OSBPL9: variants seen among roughly 807,000 people sequenced by gnomAD.
OSBPL9 encodes oxysterol-binding protein-related protein 9.
A neutral mutation model predicts 106.6 loss-of-function variants in OSBPL9; 40 were observed. That is an observed-to-expected ratio of 0.38 (90% CI 0.29 to 0.49). The LOEUF is 0.49. Among genes scored for constraint, OSBPL9 ranks in the 20% least tolerant of loss-of-function variants. The pLI is 0.97. For missense variants in OSBPL9, 609 were observed against 887.2 expected, an observed-to-expected ratio of 0.69 and a Z score of 3.98; for synonymous variants, 269 against 295.4, an observed-to-expected ratio of 0.91 and a Z score of 0.92.
chr1:51,645,327 T>G (rs1283758613), intron 1 of OSBPL9, among the ~76,000 whole-genome samples: 2 of 152,198 alleles, frequency 1.3e-5, no homozygotes, highest in African/African-American at 4.8e-5. Flanking sequence ...CTTTGCCCAT[T>G]TTTAAATTGG....
chr1:51,630,640 T>G (rs1645047994), intron 1 of OSBPL9, among the ~76,000 whole-genome samples: 1 of 152,190 alleles, frequency 6.6e-6, no homozygotes, highest in Non-Finnish European at 1.5e-5. Context: ...GACATTACCA[T>G]ACACTACCAT....
At chr1:51,578,120 A>G (rs1645197458) in intron 1 of OSBPL9, among the ~76,000 whole-genome samples, 1 of 152,236 alleles carries the variant, frequency 6.6e-6, no homozygotes, top group Non-Finnish European at 1.5e-5. Flanking sequence ...AGTAATAACG[A>G]AAAATATTTG....
chr1:51,682,705 C>T (rs945233857), intron 3 of OSBPL9, among the ~76,000 whole-genome samples: 2 of 150,828 alleles, frequency 1.3e-5, no homozygotes, highest in Admixed American at 1.3e-4. Context: ...TGTAGTGAGC[C>T]GAGATCACAC....
At chr1:51,694,758 G>A (rs934827959) in intron 3 of OSBPL9, among the ~76,000 whole-genome samples, 1 of 152,008 alleles carries the variant, frequency 6.6e-6, no homozygotes, top group Non-Finnish European at 1.5e-5. Flanking sequence ...TGTTGATATT[G>A]CTCCAAACTA....
intron 3 of OSBPL9, chr1:51,669,735 G>C: frequency 1.6e-6 from 1 of 641,678 alleles, no homozygotes; most frequent in Non-Finnish European, 2.9e-6. Context: ...TGCAGTTGGA[G>C]ATGAAAATTT....
the OSBPL9 span, chr1:51,519,176 G>A: frequency 7.0e-7 from 1 of 1,435,756 alleles, no homozygotes. Flanking sequence ...GGCCAAGCCC[G>A]GCGGACGGGC....
chr1:51,560,267 T>TA, the OSBPL9 span, among the ~76,000 whole-genome samples: 3 of 152,220 alleles, frequency 2.0e-5, no homozygotes, highest in African/African-American at 7.2e-5. Flanking sequence ...ACAGTGGGTG[T>TA]AATCAATACA....
intron 1 of OSBPL9, among the ~76,000 whole-genome samples, chr1:51,578,089 G>A (rs1489509036): frequency 1.3e-5 from 2 of 152,190 alleles, no homozygotes; most frequent in Non-Finnish European, 2.9e-5. Context: ...GCTGACCGTT[G>A]TGTGCCAGTA....
At position 51,784,025 on chromosome 1, in the gene OSBPL9, G is replaced by T; in HGVS notation, c.1624G>T (p.Gly542Cys). The change falls in exon 18 of 24, where the codon GGC (glycine) becomes TGC (cysteine). Residue 542 changes from glycine to cysteine, a missense_variant and splice_region_variant. Transcript: ENST00000428468. Reference sequence around the variant, plus strand: ...AATTGGGGTGCACAACATAGGGCAGGGTAAGTGTGTTGGCATTGGGTGGAC... The same window carrying T: ...AATTGGGGTGCACAACATAGGGCAGTGTAAGTGTGTTGGCATTGGGTGGAC... ...MSIGVHNIGQ[G>C]CVSCLDYDEH... 2 of 1,605,018 alleles carry T rather than the reference G, an allele frequency of 1.2e-6. No individual in the cohort carries two copies. The highest frequency in any genetic ancestry group is 8.5e-7 in the Non-Finnish European group (1 of 1,172,126).
chr1:51,707,882 AC>A (rs1273941884), intron 3 of OSBPL9: 4 of 230,594 alleles, frequency 1.7e-5, no homozygotes, highest in South Asian at 7.4e-5. Flanking sequence ...CACCAGTGTC[AC>A]CCCCATTTGA....
intron 4 of OSBPL9, among the ~76,000 whole-genome samples, chr1:51,740,699 A>G (rs1000351730): frequency 1.3e-4 from 20 of 152,206 alleles, no homozygotes; most frequent in African/African-American, 4.8e-4. Flanking sequence ...AAAATTAGAT[A>G]TGAAAACAAT....
intron 4 of OSBPL9, among the ~76,000 whole-genome samples, chr1:51,723,894 G>T (rs1486068585): frequency 6.6e-6 from 1 of 152,128 alleles, no homozygotes; most frequent in East Asian, 1.9e-4. Flanking sequence ...GGATCATATG[G>T]TAAATATATC....
At chr1:51,530,411 G>A in the OSBPL9 span, among the ~76,000 whole-genome samples, 45 of 151,824 alleles carry the variant, frequency 3.0e-4, no homozygotes, top group Non-Finnish European at 4.9e-4. Context: ...TACCTGACAA[G>A]TGAATTCTAA....
chr1:51,786,694 G>C, intron 22 of OSBPL9, 77 bp downstream of exon 22: 1 of 1,207,112 alleles, frequency 8.3e-7, no homozygotes, highest in Non-Finnish European at 1.2e-6. Flanking sequence ...GGCTGGGTTT[G>C]AGAGACAGTA....
intron 4 of OSBPL9, among the ~76,000 whole-genome samples, chr1:51,741,256 A>G (rs1666831312): frequency 6.6e-6 from 1 of 152,162 alleles, no homozygotes. Flanking sequence ...AAATTGGCCC[A>G]GATGTGTATG....
At position 51,772,196 on chromosome 1, in the gene OSBPL9, G is replaced by C. The variant is rs1368066454; in HGVS notation, c.1051+14G>C. ...CAAGTGATGCTGGTAAGTGACCTTTGATAATTTAACTTTTTTTTCTTTAAA... is the reference window on the plus strand; with the variant it reads ...CAAGTGATGCTGGTAAGTGACCTTTCATAATTTAACTTTTTTTTCTTTAAA... On this transcript the variant is annotated intron_variant, in intron 13 of 23. Coordinates refer to ENST00000428468, the MANE Select transcript of OSBPL9 (RefSeq NM_024586.6). 1.3e-6 allele frequency: 2 copies of C among 1,591,046 alleles called. No individual in the cohort carries two copies. Among genetic ancestry groups the C allele is most frequent in the Admixed American group, 3.5e-5 (2 of 57,816 alleles).
chr1:51,620,338 A>G (rs772511960), intron 1 of OSBPL9, among the ~76,000 whole-genome samples: 1 of 152,100 alleles, frequency 6.6e-6, no homozygotes, highest in Non-Finnish European at 1.5e-5. Context: ...CTGAGTACCT[A>G]TTGTGTGCCT....
intron 1 of OSBPL9, among the ~76,000 whole-genome samples, chr1:51,631,336 T>G (rs1645091187): frequency 6.6e-6 from 1 of 151,084 alleles, no homozygotes; most frequent in Non-Finnish European, 1.5e-5. Context: ...AGCCCAGGAG[T>G]TTGAGACCAT....
intron 3 of OSBPL9, among the ~76,000 whole-genome samples, chr1:51,670,381 GA>G (rs1342508837): frequency 1.3e-5 from 2 of 152,200 alleles, no homozygotes; most frequent in Non-Finnish European, 2.9e-5. Context: ...TGCACTGTTA[GA>G]GATGCTAGGT....
Sources: gnomAD v4.1 joint callset for allele counts (sites outside exome capture counted in the v4.1 genomes callset) on GRCh38, gnomAD v4.1.1 for gene constraint, MANE v1.5 for transcripts, NCBI Gene and HGNC (gene_info 2026-07-23, HGNC 2026-07-21) for gene names.